Variants in PTPN9 observed in about 807,000 individuals in gnomAD.
PTPN9 encodes the protein tyrosine-protein phosphatase non-receptor type 9.
In PTPN9, 26 loss-of-function variants were observed where a neutral mutation model predicts 69.8. The ratio of observed to expected loss-of-function variants is 0.37; its 90% CI spans 0.27 to 0.52. PTPN9 has a LOEUF of 0.52. Ranked by LOEUF, PTPN9 falls within the 20% of genes least tolerant of loss-of-function variation. The pLI, the probability that PTPN9 is intolerant of heterozygous loss-of-function variation, is 0.91. For synonymous variants in PTPN9, 274 were observed against 272.5 expected (o/e 1.01, Z -0.05); for missense variants, 549 against 740.3 (o/e 0.74, Z 3.00).
intron 1 of PTPN9, among the ~76,000 whole-genome samples, chr15:75,545,375 C>T (rs905052118): frequency 6.6e-6 from 1 of 151,910 alleles, no homozygotes; most frequent in Non-Finnish European, 1.5e-5. Context: ...CAAGACCAGC[C>T]TGGGCAACAT....
intron 1 of PTPN9, among the ~76,000 whole-genome samples, chr15:75,537,857 A>G (rs1195075054): frequency 6.6e-6 from 1 of 151,464 alleles, no homozygotes; most frequent in Non-Finnish European, 1.5e-5. Context: ...TCAGGCGTTC[A>G]AGACCAGCCT....
At chr15:75,570,706 T>C (rs1349183776) in intron 1 of PTPN9, among the ~76,000 whole-genome samples, 2 of 151,234 alleles carry the variant, frequency 1.3e-5, no homozygotes, top group Non-Finnish European at 1.5e-5. Flanking sequence ...GGCTGGGAGG[T>C]CGAGGCTGCA....
intron 7 of PTPN9, among the ~76,000 whole-genome samples, chr15:75,497,802 CAA>C (rs879944894): frequency 6.4e-4 from 46 of 72,154 alleles, no homozygotes; most frequent in Admixed American, 6.2e-4. Context: ...AACTCTGTCT[CAA>C]AAAAAAAAAA....
At chr15:75,570,963 A>G (rs1183130195) in intron 1 of PTPN9, among the ~76,000 whole-genome samples, 1 of 152,014 alleles carries the variant, frequency 6.6e-6, no homozygotes, top group Admixed American at 6.6e-5. Context: ...ATTTTTCGCT[A>G]TTCAAAAACG....
At chr15:75,476,769 G>C (rs941262497) in intron 9 of PTPN9, among the ~76,000 whole-genome samples, 4 of 152,148 alleles carry the variant, frequency 2.6e-5, no homozygotes, top group African/African-American at 9.7e-5. Context: ...CATTACCCTA[G>C]TATACACATC....
intron 1 of PTPN9, among the ~76,000 whole-genome samples, chr15:75,541,347 C>T (rs150691459): frequency 1.7e-4 from 26 of 151,558 alleles, no homozygotes; most frequent in African/African-American, 5.8e-4. Context: ...CCTACTGAAG[C>T]GCTGGGATTA....
chr15:75,490,813 G>A (rs1176524069), intron 7 of PTPN9, among the ~76,000 whole-genome samples: 1 of 152,050 alleles, frequency 6.6e-6, no homozygotes, highest in Non-Finnish European at 1.5e-5. Flanking sequence ...TTTTAGTAGA[G>A]ACGGGGTTTC....
intron 7 of PTPN9, among the ~76,000 whole-genome samples, chr15:75,502,601 G>C (rs2074779804): frequency 6.6e-6 from 1 of 152,146 alleles, no homozygotes; most frequent in South Asian, 2.1e-4. Context: ...AAACTAGCGA[G>C]ATGGTTTTGT....
intron 4 of PTPN9, among the ~76,000 whole-genome samples, chr15:75,521,615 A>C (rs2074905622): frequency 6.6e-6 from 1 of 151,588 alleles, no homozygotes; most frequent in Admixed American, 6.6e-5. Flanking sequence ...GGAGGCCGAG[A>C]TGGGAGGATT....
intron 1 of PTPN9, among the ~76,000 whole-genome samples, chr15:75,533,581 T>C (rs2141326227): frequency 6.6e-6 from 1 of 152,232 alleles, no homozygotes; most frequent in East Asian, 1.9e-4. Context: ...GATTTGTTCC[T>C]GCATAGTCAA....
At chr15:75,479,028 G>T (rs911183358) in intron 9 of PTPN9, among the ~76,000 whole-genome samples, 1 of 152,174 alleles carries the variant, frequency 6.6e-6, no homozygotes, top group African/African-American at 2.4e-5. Flanking sequence ...CCTCCTAGAG[G>T]CTGGGCATGG....
chr15:75,495,266 A>C (rs1274350496), intron 7 of PTPN9, among the ~76,000 whole-genome samples: 2 of 152,162 alleles, frequency 1.3e-5, no homozygotes, highest in Non-Finnish European at 2.9e-5. Flanking sequence ...AAGCCTAGAG[A>C]ATAACCAACC....
At chr15:75,558,648 C>T (rs1158841965) in intron 1 of PTPN9, among the ~76,000 whole-genome samples, 1 of 152,218 alleles carries the variant, frequency 6.6e-6, no homozygotes, top group African/African-American at 2.4e-5. Flanking sequence ...CCTGCCTCAG[C>T]CTGCCGAGTG....
At chr15:75,514,836 C>T (rs545888950) in intron 5 of PTPN9, among the ~76,000 whole-genome samples, 1 of 152,114 alleles carries the variant, frequency 6.6e-6, no homozygotes, top group Non-Finnish European at 1.5e-5. Context: ...GAAACGCAAG[C>T]TATACCACAA....
In PTPN9 at chr15:75,505,471, TAAAAAAAAAAGA is replaced by T. The variant is rs1192246302; in HGVS notation, c.968+192_968+203del. Among the ~76,000 whole-genome samples the T allele has an allele frequency of 8.0e-5, 11 of 137,826 alleles. No individual in the cohort carries two copies. The East Asian group carries it at 1.0e-3, about 13-fold the overall frequency. 90.4% of individuals were successfully genotyped at this position (137,826 alleles called of 152,430 possible). On this transcript the variant is annotated intron_variant, in intron 7 of 12. Transcript: ENST00000618819. ...ATGATCAATAAAAAAAATAAAAATTTAAAAAAAAAAGAAAAAAAAAAAGAAGCACCAAAGCAG... is the reference window on the plus strand; with the variant it reads ...ATGATCAATAAAAAAAATAAAAATTTAAAAAAAAAAGAAGCACCAAAGCAG...
At chr15:75,553,850 G>A (rs1475809827) in intron 1 of PTPN9, among the ~76,000 whole-genome samples, 1 of 152,000 alleles carries the variant, frequency 6.6e-6, no homozygotes, top group Non-Finnish European at 1.5e-5. Flanking sequence ...TCCTGAGTCT[G>A]AGTCACATAC....
chr15:75,491,317 C>A (rs1305925558), intron 7 of PTPN9, among the ~76,000 whole-genome samples: 1 of 151,610 alleles, frequency 6.6e-6, no homozygotes, highest in Non-Finnish European at 1.5e-5. Flanking sequence ...CCAGGAGAAT[C>A]GCTTGAACCT....
chr15:75,480,712 C>G (rs1479116611), intron 8 of PTPN9: 2 of 1,316,290 alleles, frequency 1.5e-6, no homozygotes, highest in Non-Finnish European at 2.0e-6. Flanking sequence ...GCCCCACAGC[C>G]GGGAGGATGG....
At chr15:75,517,194 G>T (rs751502430) in intron 5 of PTPN9, 65 bp downstream of exon 5, 11 of 1,226,476 alleles carry the variant, frequency 9.0e-6, no homozygotes, top group Non-Finnish European at 1.3e-5. Flanking sequence ...TTTTCCCAAA[G>T]AATTAAAAAA....
Sources: gnomAD v4.1 joint callset for allele counts (sites outside exome capture counted in the v4.1 genomes callset) on GRCh38, gnomAD v4.1.1 for gene constraint, MANE v1.5 for transcripts, NCBI Gene and HGNC (gene_info 2026-07-23, HGNC 2026-07-21) for gene names.